Variants in CCDC190 observed in about 807,000 individuals in gnomAD.
CCDC190 encodes coiled-coil domain containing 190, also known as coiled-coil domain-containing protein 190.
Under a neutral mutation model 13.1 loss-of-function variants are expected in CCDC190, and 10 were observed. The observed-to-expected ratio is 0.77, with a 90% CI of 0.47 to 1.30. The LOEUF is 1.30. CCDC190 is among the 50% of genes most tolerant of loss of function. The probability of loss-of-function intolerance (pLI) is 0.00; values close to 1 mark genes in which losing one functional copy is unlikely to be tolerated. For synonymous variants in CCDC190, 136 were observed against 127.2 expected (o/e 1.07, Z -0.47); for missense variants, 375 against 354.3 (o/e 1.06, Z -0.47).
rs887437679 is a variant in CCDC190, at chr1:162,852,106, G to GT, written c.*2658dup. 1 of 152,228 alleles carries GT rather than the reference G, an allele frequency of 6.6e-6. No homozygotes were observed. The highest frequency in any genetic ancestry group is 2.4e-5 in the African/African-American group (1 of 41,460). The allele number at this position is 152,228 out of a possible 1,614,324, so 9.4% of individuals were successfully genotyped here. A position where few individuals can be genotyped will look rare whatever the true frequency, so the allele number is the denominator to read the frequency against. The stretch of plus-strand genomic sequence containing the variant: ...ATTTAATGTAATGGCACAGGGTGGA[G>GT]TTTCCAATCTTGGCGCTATTGATGT... On this transcript the variant is annotated 3_prime_UTR_variant, in exon 4 of 4. Coordinates refer to ENST00000367912, the MANE Select transcript of CCDC190 (RefSeq NM_001394065.1).
rs890932759 is a variant in CCDC190, at chr1:162,853,103, A to C, written c.*1662T>G. 38 of 1,549,734 alleles carry C rather than the reference A, an allele frequency of 2.5e-5. No homozygotes were observed. The highest frequency in any genetic ancestry group is 3.1e-5 in the Non-Finnish European group (35 of 1,146,046). On this transcript the variant is annotated 3_prime_UTR_variant, in exon 4 of 4. Transcript: ENST00000367912. The stretch of plus-strand genomic sequence containing the variant: ...TGGAAGAAAGTGTTGGAGGAAGCAG[A>C]TTTCTTGTGTTCCTTTCACTATAAA...
rs1650263350 is a variant in CCDC190, at chr1:162,855,326, G to A, written c.345C>T (p.Cys115=). The stretch of plus-strand genomic sequence containing the variant: ...AAGGAGGCACCTGGGACTTGCTTTT[G>A]CATGTGTCTTGGGCCATACGGGTTG... The part of the protein sequence containing the change: ...ALATRMAQDT[C]KSKSQVPPSH... Residue 115 remains cysteine, a synonymous_variant, in exon 4 of 4, where the codon TGC becomes TGT. Coordinates refer to ENST00000367912, the MANE Select transcript of CCDC190 (RefSeq NM_001394065.1). 3 of 1,612,020 alleles carry A rather than the reference G, an allele frequency of 1.9e-6. No individual in the cohort carries two copies.
chr1:162,858,047 A>G (rs1650368110), intron 2 of CCDC190, among the ~76,000 whole-genome samples: 1 of 152,250 alleles, frequency 6.6e-6, no homozygotes, highest in Non-Finnish European at 1.5e-5. Context: ...TAACAATTCC[A>G]TTTAAATGAA....
At chr1:162,859,266 A>G (rs928785269) in intron 2 of CCDC190, among the ~76,000 whole-genome samples, 194 bp downstream of exon 2, 4 of 152,230 alleles carry the variant, frequency 2.6e-5, no homozygotes, top group Non-Finnish European at 5.9e-5. Context: ...AAGGCTTATG[A>G]GTAGGCTGCT....
chr1:162,855,084 G>T lies in CCDC190; in HGVS notation c.587C>A (p.Pro196Gln), dbSNP rs1650248148. ...ACATGCCATTCCACTATCACTAGCT[G>T]GGCTGGAACTAGGACCTTGTTCTAT... is the stretch of plus-strand genomic sequence containing the variant. ...NTIEQGPSSS[P>Q]ASDSGMACAD... The change falls in exon 4 of 4, where the codon CCA becomes CAA. Residue 196 changes from proline to glutamine, a missense_variant. Coordinates refer to ENST00000367912, the MANE Select transcript of CCDC190 (RefSeq NM_001394065.1). The T allele has an allele frequency of 1.9e-6, 3 of 1,613,980 alleles. No individual in the cohort carries two copies. The South Asian group carries it at 3.3e-5, about 18-fold the overall frequency.
At chr1:162,862,292 G>T (rs892292710), upstream of CCDC190, among the ~76,000 whole-genome samples, 2 of 152,180 alleles carry the variant, frequency 1.3e-5, no homozygotes, top group African/African-American at 4.8e-5. Context: ...AAGAGGAAAA[G>T]CTTGCAGAAA....
Position 162,854,435 on chromosome 1 carries a change from G to A in CCDC190, c.*330C>T, listed in dbSNP as rs1650212837. The A allele has an allele frequency of 9.4e-7, 1 of 1,062,828 alleles. No homozygotes were observed. Among genetic ancestry groups the A allele is most frequent in the Non-Finnish European group, 1.1e-6 (1 of 878,506 alleles). The allele number at this position is 1,062,828 out of a possible 1,614,324, so 65.8% of individuals were successfully genotyped here. On this transcript the variant is annotated 3_prime_UTR_variant, in exon 4 of 4. Transcript: ENST00000367912. ...GTTTTGCCAGCAGGTGGCACCATGA[G>A]AATCTCCTAGAGGAAACAGGAAGTC...
intron 2 of CCDC190, among the ~76,000 whole-genome samples, chr1:162,858,791 T>C (rs1425263426): frequency 6.6e-6 from 1 of 152,218 alleles, no homozygotes; most frequent in African/African-American, 2.4e-5. Flanking sequence ...TGTACAACTG[T>C]GACTATTTTC....
chr1:162,855,710 T>C lies in CCDC190; in HGVS notation c.233A>G (p.Gln78Arg). The C allele has an allele frequency of 6.2e-7, 1 of 1,613,306 alleles. No individual in the cohort carries two copies. The highest frequency in any genetic ancestry group is 8.5e-7 in the Non-Finnish European group (1 of 1,179,484). ...CACGAGAACATCTTCTGGTCTCTTCTGAAATCCATTCCCCAAATAAGAGGA... is the reference window on the plus strand; with the variant it reads ...CACGAGAACATCTTCTGGTCTCTTCCGAAATCCATTCCCCAAATAAGAGGA... ...KFSSYLGNGF[Q>R]KRPEDVLVFS... The change falls in exon 3 of 4, where the codon CAG becomes CGG. Residue 78 changes from glutamine to arginine, a missense_variant. Gln to Arg is a conservative substitution (Grantham distance 43). Transcript: ENST00000367912.
Position 162,854,907 on chromosome 1 carries a change from G to A in CCDC190, c.764C>T (p.Ala255Val), listed in dbSNP as rs1181056254. 2.5e-6 allele frequency: 4 copies of A among 1,613,894 alleles called. No homozygotes were observed. Among genetic ancestry groups the A allele is most frequent in the Non-Finnish European group, 2.5e-6 (3 of 1,179,896 alleles). ...GGGGACCCTGTGCCGGAGATAATGGGCATTTCTGGCCTTTGAAAGCAACTC... is the reference window on the plus strand; with the variant it reads ...GGGGACCCTGTGCCGGAGATAATGGACATTTCTGGCCTTTGAAAGCAACTC... ...FLELLSKARN[A>V]HYLRHRVPPE... Residue 255 changes from alanine (A) to valine (V), a missense_variant, in exon 4 of 4, where the codon GCC (alanine) becomes GTC (valine). Physicochemically the swap from Ala to Val is moderately conservative, Grantham distance 64. Coordinates refer to ENST00000367912, the MANE Select transcript of CCDC190 (RefSeq NM_001394065.1).
At chr1:162,855,830 C>T (rs1650284252) in intron 2 of CCDC190, 75 bp from the exon 3 acceptor site, 2 of 1,378,228 alleles carry the variant, frequency 1.5e-6, no homozygotes, top group Non-Finnish European at 2.0e-6. Context: ...TCCTAACCCC[C>T]AGTACCTTAG....
Position 162,855,202 on chromosome 1 carries a change from G to C in CCDC190, c.469C>G (p.Gln157Glu). 6.2e-7 allele frequency: 1 copy of C among 1,613,922 alleles called. No individual in the cohort carries two copies. The highest frequency in any genetic ancestry group is 1.1e-5 in the South Asian group (1 of 91,072). The change falls in exon 4 of 4, where the codon CAA (glutamine) becomes GAA (glutamate). Residue 157 changes from glutamine to glutamate, a missense_variant. Transcript: ENST00000367912. The stretch of plus-strand genomic sequence containing the variant: ...GATGGATTCACAGAATCTTTCTCTT[G>C]GGCTTGTGGTTGCTCTTTTATGAAG... ...ACFIKEQPQA[Q>E]EKDSVNPSKD...
chr1:162,855,962 A>G (rs1166900711), intron 2 of CCDC190: 2 of 442,918 alleles, frequency 4.5e-6, no homozygotes, highest in Non-Finnish European at 8.2e-6. Context: ...TAGAACACAC[A>G]GACACACACA....
intron 1 of CCDC190, 93 bp from the exon 2 acceptor site, chr1:162,859,751 G>A (rs1650433410): frequency 8.6e-6 from 9 of 1,040,798 alleles, no homozygotes; most frequent in Non-Finnish European, 9.5e-6. Context: ...TAGAACCTGT[G>A]TATTTCTGAA....
chr1:162,857,562 A>T (rs1650346934), intron 2 of CCDC190, among the ~76,000 whole-genome samples: 1 of 152,202 alleles, frequency 6.6e-6, no homozygotes. Flanking sequence ...GCCTTTATAC[A>T]TACTATTCCT....
intron 1 of CCDC190, among the ~76,000 whole-genome samples, chr1:162,868,010 C>G (rs985235656): frequency 3.3e-5 from 5 of 151,988 alleles, no homozygotes; most frequent in Non-Finnish European, 5.9e-5. Flanking sequence ...ATATATTTGT[C>G]GAAGCCAACA....
At position 162,852,525 on chromosome 1, in the gene CCDC190, A is replaced by G. The variant is rs908937812; in HGVS notation, c.*2240T>C. 6.5e-6 allele frequency: 1 copy of G among 152,886 alleles called. No individual in the cohort carries two copies. The highest frequency in any genetic ancestry group is 1.5e-5 in the Non-Finnish European group (1 of 68,488). 9.5% of individuals were successfully genotyped at this position (152,886 alleles called of 1,614,324 possible). On this transcript the variant is annotated 3_prime_UTR_variant, in exon 4 of 4. Coordinates refer to ENST00000367912, the MANE Select transcript of CCDC190 (RefSeq NM_001394065.1). ...GAAGGCAAATGTATTAGACTAAATG[A>G]TAAGAAGATAAAATCTAGGTGGTTA...
upstream of CCDC190, among the ~76,000 whole-genome samples, chr1:162,864,742 CAAAG>C (rs1411012789): frequency 2.6e-5 from 4 of 151,172 alleles, no homozygotes; most frequent in East Asian, 7.8e-4. Context: ...AATAATATAA[CAAAG>C]AATTATAAGA....
rs550250354 is a variant in CCDC190, at chr1:162,867,208, A to G, written c.-13+1445T>C. 6.2e-4 allele frequency among the ~76,000 whole-genome samples: 95 copies of G among 152,140 alleles called. 1 individual carries two copies. The highest frequency in any genetic ancestry group is 1.2e-3 in the Non-Finnish European group (84 of 67,992). On this transcript the variant is annotated intron_variant, in intron 1 of 3. Coordinates refer to the CCDC190 transcript ENST00000367910. ...ATTGACAACGCAAAAAAACCTAACC[A>G]AAAAACTCTATCTATATCTAAATAA...
Sources: allele counts gnomAD v4.1 joint callset (sites outside exome capture counted in the v4.1 genomes callset), GRCh38; gene constraint gnomAD v4.1.1; transcripts MANE v1.5; gene names NCBI Gene and HGNC (gene_info 2026-07-23, HGNC 2026-07-21).